The following RPS6KA2 variants were observed in gnomAD, a reference collection of about 807,000 sequenced individuals.
RPS6KA2 encodes ribosomal protein S6 kinase alpha-2.
A neutral mutation model predicts 91.8 loss-of-function variants in RPS6KA2; 42 were observed. The observed-to-expected ratio is 0.46, with a 90% CI of 0.36 to 0.59. RPS6KA2 has a LOEUF of 0.59. Ranked by LOEUF, RPS6KA2 falls within the 20% of genes least tolerant of loss-of-function variation. The pLI, the probability that RPS6KA2 is intolerant of heterozygous loss-of-function variation, is 0.00. For synonymous variants in RPS6KA2, 414 were observed against 393.6 expected (o/e 1.05, Z -0.61); for missense variants, 798 against 978.5 (o/e 0.82, Z 2.46).
intron 14 of RPS6KA2, among the ~76,000 whole-genome samples, chr6:166,444,628 T>C (rs1346680705): frequency 6.6e-6 from 1 of 152,204 alleles, no homozygotes. Context: ...AACAGTGCCG[T>C]GCGCGTGAGA....
chr6:166,750,751 A>T (rs889944185), intron 2 of RPS6KA2, among the ~76,000 whole-genome samples: 1 of 152,216 alleles, frequency 6.6e-6, no homozygotes, highest in Non-Finnish European at 1.5e-5. Flanking sequence ...CACCAGAAAG[A>T]GAAGAGTGAC....
chr6:166,586,938 G>A (rs1216432298), intron 1 of RPS6KA2, among the ~76,000 whole-genome samples: 2 of 152,210 alleles, frequency 1.3e-5, no homozygotes, highest in African/African-American at 4.8e-5. Flanking sequence ...GCAGGCAGGT[G>A]TGGTCATGTG....
Position 166,418,209 on chromosome 6 carries a change from TG to T in RPS6KA2, c.1938+15del. 6.6e-7 allele frequency: 1 copy of T among 1,513,614 alleles called. No homozygotes were observed. The highest frequency in any genetic ancestry group is 9.1e-7 in the Non-Finnish European group (1 of 1,094,994). 93.8% of individuals were successfully genotyped at this position (1,513,614 alleles called of 1,614,324 possible). ...GAATCTGAATATTTAAAAGCAACGC[TG>T]GGACATGTACTCACTTTAGCTGCGT... On this transcript the variant is annotated intron_variant, in intron 19 of 20. Transcript: ENST00000265678. This position sits in a 1 kb window ranked among gnomAD's most constrained non-coding sequence, Gnocchi z 4.9.
intron 2 of RPS6KA2, among the ~76,000 whole-genome samples, chr6:166,663,849 G>C (rs1788237220): frequency 6.6e-6 from 1 of 152,232 alleles, no homozygotes; most frequent in Non-Finnish European, 1.5e-5. Context: ...TAAAGAAAGA[G>C]GAAATATGGT....
chr6:166,619,059 T>C (rs531727894), intron 1 of RPS6KA2, among the ~76,000 whole-genome samples: 1 of 150,848 alleles, frequency 6.6e-6, no homozygotes, highest in East Asian at 1.9e-4. Context: ...TGCCATCAGA[T>C]TCGCGCACGA....
intron 2 of RPS6KA2, among the ~76,000 whole-genome samples, chr6:166,729,937 A>G (rs889080746): frequency 1.3e-5 from 2 of 152,304 alleles, no homozygotes; most frequent in South Asian, 4.2e-4. Flanking sequence ...CCATGAGGAG[A>G]AGCAATCCCA....
In RPS6KA2 at chr6:166,412,824, C is replaced by A. The variant is rs890556346; in HGVS notation, c.2140G>T (p.Val714Leu). 1.3e-6 allele frequency: 2 copies of A among 1,583,194 alleles called. 1 individual carries two copies. Reference sequence around the variant, plus strand: ...CGCTGAGCCAGGTTGGATGACAGCACGGGCTCCAGCCGCGGGGCCTGAGGT... The same window carrying A: ...CGCTGAGCCAGGTTGGATGACAGCAAGGGCTCCAGCCGCGGGGCCTGAGGT... ...RTPQAPRLEP[V>L]LSSNLAQRRG... The change falls in exon 21 of 21, where the codon GTG (valine) becomes TTG (leucine). Residue 714 changes from valine to leucine, a missense_variant. By Grantham distance (32) the Val-to-Leu change is conservative. Coordinates refer to ENST00000265678, the MANE Select transcript of RPS6KA2 (RefSeq NM_021135.6). The surrounding 1 kb of genome is among the most constrained non-coding windows in gnomAD (Gnocchi z 4.3).
rs894801203 is a variant in RPS6KA2 at position 166,648,042 on chromosome 6, A to G, written c.124-109258T>C. 6.6e-6 allele frequency among the ~76,000 whole-genome samples: 1 copy of G among 151,196 alleles called. No individual in the cohort carries two copies. The highest frequency in any genetic ancestry group is 2.4e-5 in the African/African-American group (1 of 40,968). ...CACACATACATACACACATGCTCTCACACACATGCACATGCTCACACACAT... is the reference window on the plus strand; with the variant it reads ...CACACATACATACACACATGCTCTCGCACACATGCACATGCTCACACACAT... On this transcript the variant is annotated intron_variant, in intron 2 of 21. Coordinates refer to the RPS6KA2 transcript ENST00000503859. The surrounding 1 kb of genome is among the most constrained non-coding windows in gnomAD (Gnocchi z 4.8).
In RPS6KA2 at chr6:166,488,893, T is replaced by C; in HGVS notation, c.847A>G (p.Ser283Gly). Residue 283 changes from serine to glycine, a missense_variant, in exon 10 of 21, where the codon AGT (serine) becomes GGT (glycine). By Grantham distance (56) the Ser-to-Gly change is moderately conservative. Transcript: ENST00000265678. Reference protein sequence around the residue: ...KAKLGMPQFLSGEAQSLLRAL... With the variant: ...KAKLGMPQFLGGEAQSLLRAL... ...CGCAGCAAACTCTGTGCCTCCCCAC[T>C]GAGGAACTGCGGCATCCCCAGCTTG... is the stretch of plus-strand genomic sequence containing the variant. 4 of 1,613,794 alleles carry C rather than the reference T, an allele frequency of 2.5e-6. No individual in the cohort carries two copies. The highest frequency in any genetic ancestry group is 3.4e-6 in the Non-Finnish European group (4 of 1,179,868).
chr6:166,839,047 C>A (rs1433442247), intron 2 of RPS6KA2, among the ~76,000 whole-genome samples: 1 of 152,164 alleles, frequency 6.6e-6, no homozygotes. Context: ...AAATGAAACA[C>A]AGCCTCTGCC....
chr6:166,723,803 G>A (rs569923117), intron 2 of RPS6KA2, among the ~76,000 whole-genome samples: 8 of 150,876 alleles, frequency 5.3e-5, no homozygotes, highest in African/African-American at 1.5e-4. Flanking sequence ...CGGTTCAAGC[G>A]ATTCTCCTGC....
Position 166,433,146 on chromosome 6 carries a change from CT to C in RPS6KA2, c.1333-657del, listed in dbSNP as rs1440881739. ...GCAGTGGGCACCATCCACAACAAGC[CT>C]CCAGCCACTGTGCACCTTCTGCCTT... On this transcript the variant is annotated intron_variant, in intron 14 of 20. Coordinates refer to ENST00000265678, the MANE Select transcript of RPS6KA2 (RefSeq NM_021135.6). The surrounding 1 kb of genome is among the most constrained non-coding windows in gnomAD (Gnocchi z 4.4). Among the ~76,000 whole-genome samples, 6 of 152,160 alleles carry C rather than the reference CT, an allele frequency of 3.9e-5. No homozygotes were observed. The highest frequency in any genetic ancestry group is 8.8e-5 in the Non-Finnish European group (6 of 68,030).
intron 2 of RPS6KA2, among the ~76,000 whole-genome samples, chr6:166,534,725 T>C (rs1250166863): frequency 6.6e-6 from 1 of 152,244 alleles, no homozygotes; most frequent in East Asian, 1.9e-4. Flanking sequence ...TTATCTGTTT[T>C]GAAGAGAGAA....
At chr6:166,862,181 T>G (rs201503297) in exon 1 of RPS6KA2, 2 of 1,614,064 alleles carry the variant, frequency 1.2e-6, no homozygotes, top group African/African-American at 2.7e-5. Context: ...TTTTAAACTT[T>G]CCTTTTCTGC....
chr6:166,755,832 G>GCTGGGTGTGGCGGCTC (rs1157915023), intron 2 of RPS6KA2, among the ~76,000 whole-genome samples: 1 of 152,186 alleles, frequency 6.6e-6, no homozygotes, highest in Non-Finnish European at 1.5e-5. Context: ...AGATGTAACG[G>GCTGGGTGTGGCGGCTC]ACTCAGGGCT....
rs143456821 is a variant in RPS6KA2 at position 166,460,391 on chromosome 6, G to A, written c.973-840C>T. 3.9e-5 allele frequency among the ~76,000 whole-genome samples: 6 copies of A among 152,344 alleles called. No individual in the cohort carries two copies. The East Asian group carries it at 1.2e-3, about 29-fold the overall frequency. ...TTCAATGTAAAGAAAGCACACACAG[G>A]TACCTGGAACCTGGCGTAGTCCTCA... On this transcript the variant is annotated intron_variant, in intron 11 of 20. Coordinates refer to ENST00000265678, the MANE Select transcript of RPS6KA2 (RefSeq NM_021135.6).
At chr6:166,539,111 G>C (rs376857763) in intron 1 of RPS6KA2, among the ~76,000 whole-genome samples, 5 of 152,078 alleles carry the variant, frequency 3.3e-5, no homozygotes, top group African/African-American at 1.2e-4. Context: ...ATAGAGACGA[G>C]ATTTCACCAT....
intron 2 of RPS6KA2, among the ~76,000 whole-genome samples, chr6:166,721,966 C>T (rs1790189553): frequency 1.3e-5 from 2 of 152,186 alleles, no homozygotes; most frequent in Non-Finnish European, 2.9e-5. Flanking sequence ...TGTTTAGGTA[C>T]ACATTTCACA....
intron 2 of RPS6KA2, among the ~76,000 whole-genome samples, chr6:166,762,097 C>G (rs1778189405): frequency 6.6e-6 from 1 of 152,208 alleles, no homozygotes; most frequent in African/African-American, 2.4e-5. Flanking sequence ...GGTACATGGT[C>G]TGTCCCACCT....
Sources: gnomAD v4.1 joint callset for allele counts (sites outside exome capture counted in the v4.1 genomes callset) on GRCh38, gnomAD v4.1.1 for gene constraint, Gnocchi (gnomAD v3.1) non-coding constraint, MANE v1.5 for transcripts, NCBI Gene and HGNC (gene_info 2026-07-23, HGNC 2026-07-21) for gene names.